Variants in ADAMTS13 observed in about 807,000 individuals in gnomAD.
The protein encoded by ADAMTS13 is ADAM metallopeptidase with thrombospondin type 1 motif 13, also known as A disintegrin and metalloproteinase with thrombospondin motifs 13.
Under a neutral mutation model 155.1 loss-of-function variants are expected in ADAMTS13, and 110 were observed. The ratio of observed to expected loss-of-function variants is 0.71; its 90% CI spans 0.61 to 0.83. The LOEUF is 0.83. Among genes scored for constraint, ADAMTS13 ranks in the 40% least tolerant of loss-of-function variants. The probability of loss-of-function intolerance (pLI) is 0.00; values close to 1 mark genes in which losing one functional copy is unlikely to be tolerated. For missense variants in ADAMTS13, 1,707 were observed against 1,891.7 expected, an observed-to-expected ratio of 0.90 and a Z score of 1.81; for synonymous variants, 758 against 756.4, an observed-to-expected ratio of 1.00 and a Z score of -0.03.
In ADAMTS13 at chr9:133,442,608, TC is replaced by T. The variant is rs782293805; in HGVS notation, c.2105-3del. On this transcript the variant is annotated splice_polypyrimidine_tract_variant and splice_region_variant and intron_variant, in intron 17 of 28. Coordinates refer to ENST00000355699, the MANE Select transcript of ADAMTS13 (RefSeq NM_139027.6). ...AGGCGGCCTAGCCCTCCCTCTTCCC[TC>T]CCAGGGCTGCGCTGGGTAAACTACA... 3.1e-6 allele frequency: 5 copies of T among 1,613,184 alleles called. No individual in the cohort carries two copies. The highest frequency in any genetic ancestry group is 4.2e-6 in the Non-Finnish European group (5 of 1,179,984).
chr9:133,439,490 A>G (rs781876906), intron 15 of ADAMTS13, 44 bp downstream of exon 15: 3 of 1,524,306 alleles, frequency 2.0e-6, no homozygotes, highest in Non-Finnish European at 2.7e-6. Context: ...TAGACTGCAA[A>G]GGTGCAGAGC....
chr9:133,455,587 A>G (rs1378938553), intron 25 of ADAMTS13, 152 bp downstream of exon 25: 2 of 1,603,674 alleles, frequency 1.2e-6, no homozygotes, highest in African/African-American at 1.3e-5. Context: ...GGCCCCAGGA[A>G]AACTCAGTGC....
intron 7 of ADAMTS13, chr9:133,429,658 ACCGCTC>A (rs1840584436): frequency 3.5e-6 from 2 of 566,882 alleles, no homozygotes; most frequent in Non-Finnish European, 6.6e-6. Context: ...CGCCGACCGC[ACCGCTC>A]CCGGGCCTAA....
In ADAMTS13 at chr9:133,456,177, C is replaced by A. The variant is rs36222894; in HGVS notation, c.3509C>A (p.Thr1170Asn). 1 of 1,613,542 alleles carries A rather than the reference C, an allele frequency of 6.2e-7. No individual in the cohort carries two copies. Among genetic ancestry groups the A allele is most frequent in the Middle Eastern group, 1.7e-4 (1 of 6,060 alleles). ...AIGRPLGEVV[T>N]LRVLESSLNC... ...GGGCGGCCCCTCGGGGAGGTGGTGA[C>A]CCTCCGCGTCCTTGAGAGTTCTCTC... Residue 1170 changes from threonine (T) to asparagine (N), a missense_variant, in exon 26 of 29, where the codon ACC becomes AAC. Thr to Asn is a moderately conservative substitution (Grantham distance 65, BLOSUM62 0). Around this residue, in one of 3 missense-constraint regions of ADAMTS13, gnomAD observed 961 missense variants for 1,107.9 expected, o/e 0.87. Transcript: ENST00000355699. This position sits in a 1 kb window ranked among gnomAD's most constrained non-coding sequence, Gnocchi z 4.4.
At chr9:133,422,683 T>G (rs1195380084) in intron 1 of ADAMTS13, 135 bp downstream of exon 1, 4 of 802,934 alleles carry the variant, frequency 5.0e-6, no homozygotes, top group Non-Finnish European at 8.2e-6. Flanking sequence ...GAGTCTGTAC[T>G]TGGGGCTTTG....
chr9:133,429,861 C>T (rs1840605968), intron 7 of ADAMTS13, 78 bp from the exon 8 acceptor site: 2 of 1,516,718 alleles, frequency 1.3e-6, no homozygotes, highest in South Asian at 2.4e-5. Context: ...CTTCCATCCT[C>T]GTGCCCACTC....
rs1482959784 is a variant in ADAMTS13 at position 133,456,840 on chromosome 9, C to G, written c.3724+121C>G. 2 of 1,311,048 alleles carry G rather than the reference C, an allele frequency of 1.5e-6. No individual in the cohort carries two copies. The highest frequency in any genetic ancestry group is 1.8e-4 in the Middle Eastern group (1 of 5,596). 81.2% of individuals were successfully genotyped at this position (1,311,048 alleles called of 1,614,324 possible). ...AGTGGGAAGATACGGAGGGAACTGA[C>G]TGAGATGGAAGGAACTGGGGTTGGC... On this transcript the variant is annotated intron_variant, in intron 27 of 28. Coordinates refer to ENST00000355699, the MANE Select transcript of ADAMTS13 (RefSeq NM_139027.6). This position sits in a 1 kb window ranked among gnomAD's most constrained non-coding sequence, Gnocchi z 4.4.
Position 133,440,531 on chromosome 9 carries a change from C to G in ADAMTS13, c.1968+6C>G. On this transcript the variant is annotated splice_donor_region_variant and intron_variant, in intron 16 of 28. Coordinates refer to ENST00000355699, the MANE Select transcript of ADAMTS13 (RefSeq NM_139027.6). The surrounding 1 kb of genome is among the most constrained non-coding windows in gnomAD (Gnocchi z 4.3). Reference sequence around the variant, plus strand: ...AGGAAGATGCTGACATCCAGGTCAGCAGGAGAGCCTGGGGGAGGCCAGTGG... The same window carrying G: ...AGGAAGATGCTGACATCCAGGTCAGGAGGAGAGCCTGGGGGAGGCCAGTGG... The G allele has an allele frequency of 6.3e-7, 1 of 1,596,262 alleles. No individual in the cohort carries two copies. Among genetic ancestry groups the G allele is most frequent in the Non-Finnish European group, 8.6e-7 (1 of 1,169,216 alleles).
chr9:133,449,686 GTC>G (rs1554793763), intron 22 of ADAMTS13, 95 bp from the exon 23 acceptor site: 3 of 1,441,118 alleles, frequency 2.1e-6, no homozygotes, highest in Non-Finnish European at 2.9e-6. Flanking sequence ...CCAGCTTCCT[GTC>G]TCTTCCTAGT....
In ADAMTS13 at chr9:133,440,330, T is replaced by G. The variant is rs782241025; in HGVS notation, c.1787-14T>G. 1 of 1,613,892 alleles carries G rather than the reference T, an allele frequency of 6.2e-7. No individual in the cohort carries two copies. Among genetic ancestry groups the G allele is most frequent in the Non-Finnish European group, 8.5e-7 (1 of 1,180,016 alleles). On this transcript the variant is annotated splice_polypyrimidine_tract_variant and intron_variant, in intron 15 of 28. Transcript: ENST00000355699. This position sits in a 1 kb window ranked among gnomAD's most constrained non-coding sequence, Gnocchi z 4.3. ...CTCAGCTCCACACAGCTAACAGGGC[T>G]GGTTCCCCGACAGCGGTGAGGATCG... is the stretch of plus-strand genomic sequence containing the variant.
rs782110632 is a variant in ADAMTS13, at chr9:133,444,927, G to A, written c.2485G>A (p.Glu829Lys). 10 of 1,613,458 alleles carry A rather than the reference G, an allele frequency of 6.2e-6. No individual in the cohort carries two copies. Among genetic ancestry groups the A allele is most frequent in the East Asian group, 2.2e-5 (1 of 44,882 alleles). Residue 829 changes from glutamate (E) to lysine (K), a missense_variant, in exon 20 of 29, where the codon GAG (glutamate) becomes AAG (lysine). Transcript: ENST00000355699. ...AGGAGLALENETCVPGADGLE... is the reference protein window; with the variant it reads ...AGGAGLALENKTCVPGADGLE... Reference sequence around the variant, plus strand: ...TGGAGCAGGCCTGGCCTTGGAGAACGAGACCTGTGTGCCAGGGGCAGATGG... The same window carrying A: ...TGGAGCAGGCCTGGCCTTGGAGAACAAGACCTGTGTGCCAGGGGCAGATGG...
chr9:133,417,632 CT>C (rs1428864708), upstream of ADAMTS13: 1 of 1,613,856 alleles, frequency 6.2e-7, no homozygotes, highest in Non-Finnish European at 8.5e-7. Flanking sequence ...CTTGCAGCGC[CT>C]TCCAGTTTTG....
At position 133,438,247 on chromosome 9, in the gene ADAMTS13, C is replaced by T; in HGVS notation, c.1586C>T (p.Thr529Ile). ...CCCTCTGTCCTTCCCTTTGCATAGACATTTGGCTGTGATGGTAGGATGGAC... is the reference window on the plus strand; with the variant it reads ...CCCTCTGTCCTTCCCTTTGCATAGATATTTGGCTGTGATGGTAGGATGGAC... The part of the protein sequence containing the change: ...LSLCVSGSCR[T>I]FGCDGRMDSQ... Residue 529 changes from threonine (T) to isoleucine (I), a missense_variant and splice_region_variant, in exon 14 of 29, where the codon ACA becomes ATA. Physicochemically the swap from Thr to Ile is moderately conservative, Grantham distance 89. This residue lies in a region of ADAMTS13 where 733 missense variants were observed against 749.6 expected (regional missense o/e 0.98). Coordinates refer to ENST00000355699, the MANE Select transcript of ADAMTS13 (RefSeq NM_139027.6). The T allele has an allele frequency of 6.2e-7, 1 of 1,614,152 alleles. No individual in the cohort carries two copies. The highest frequency in any genetic ancestry group is 1.3e-5 in the African/African-American group (1 of 75,032).
chr9:133,436,787 C>T, intron 11 of ADAMTS13, 42 bp from the exon 12 acceptor site: 2 of 577,132 alleles, frequency 3.5e-6, no homozygotes, highest in Non-Finnish European at 6.1e-6. Context: ...CACCCGCCCC[C>T]CGCCCCACCG....
At chr9:133,442,101 T>C (rs986646228) in intron 16 of ADAMTS13, among the ~76,000 whole-genome samples, 2 of 152,174 alleles carry the variant, frequency 1.3e-5, no homozygotes, top group Non-Finnish European at 2.9e-5. Context: ...GTGTTGGTGA[T>C]TGCTTCCCGT....
intron 19 of ADAMTS13, among the ~76,000 whole-genome samples, chr9:133,443,818 T>G (rs959243953): frequency 6.6e-6 from 1 of 152,128 alleles, no homozygotes; most frequent in East Asian, 1.9e-4. Flanking sequence ...CCGACCTGCC[T>G]GGGGAGGGGG....
At chr9:133,414,428 A>G in exon 1 of ADAMTS13, 1 of 688,334 alleles carries the variant, frequency 1.5e-6, no homozygotes. Context: ...CCTTCCACAC[A>G]CGTGTACTGG....
rs1232529325 is a variant in ADAMTS13 at position 133,430,019 on chromosome 9, G to A, written c.905G>A (p.Gly302Asp). 2 of 1,589,254 alleles carry A rather than the reference G, an allele frequency of 1.3e-6. No homozygotes were observed. The highest frequency in any genetic ancestry group is 1.7e-6 in the Non-Finnish European group (2 of 1,173,120). ...GGGCACCCGCCGGATGCGCAGCCTG[G>A]CCTCTACTACAGCGCCAACGAGCAG... The part of the protein sequence containing the change: ...SAGHPPDAQP[G>D]LYYSANEQCR... The change falls in exon 8 of 29, where the codon GGC (glycine) becomes GAC (aspartate). Residue 302 changes from glycine to aspartate, a missense_variant. Physicochemically the swap from Gly to Asp is moderately conservative, Grantham distance 94 (BLOSUM62 -1). Around this residue, in one of 3 missense-constraint regions of ADAMTS13, gnomAD observed 733 missense variants for 749.6 expected, o/e 0.98. Coordinates refer to ENST00000355699, the MANE Select transcript of ADAMTS13 (RefSeq NM_139027.6).
At chr9:133,423,800 T>G (rs911050697) in intron 2 of ADAMTS13, among the ~76,000 whole-genome samples, 7 of 152,252 alleles carry the variant, frequency 4.6e-5, no homozygotes, top group African/African-American at 1.7e-4. Flanking sequence ...GGGGGCTGGA[T>G]GCAGCCGACG....
Sources: gnomAD v4.1 joint callset for allele counts (sites outside exome capture counted in the v4.1 genomes callset) on GRCh38, gnomAD v4.1.1 for gene constraint, gnomAD v4.1.1 regional missense constraint, Gnocchi (gnomAD v3.1) non-coding constraint, MANE v1.5 for transcripts, NCBI Gene and HGNC (gene_info 2026-07-23, HGNC 2026-07-21) for gene names.